SHISAL2A: variants seen among roughly 807,000 people sequenced by gnomAD.
SHISAL2A encodes protein shisa-like-2A.
A neutral mutation model predicts 11.5 loss-of-function variants in SHISAL2A; 18 were observed. That is an observed-to-expected ratio of 1.57 (90% CI 1.08 to 2.33). The LOEUF (loss-of-function observed/expected upper bound fraction) is 2.33, where lower values mean the gene tolerates loss of function less well. SHISAL2A is among the 30% of genes most tolerant of loss of function. The probability of loss-of-function intolerance (pLI) is 0.00; values close to 1 mark genes in which losing one functional copy is unlikely to be tolerated. For synonymous variants in SHISAL2A, 94 were observed against 99.6 expected, an observed-to-expected ratio of 0.94 and a Z score of 0.34; for missense variants, 261 against 250.9, an observed-to-expected ratio of 1.04 and a Z score of -0.27.
chr1:52,668,238 A>C (rs972646569), intron 5 of SHISAL2A, among the ~76,000 whole-genome samples: 45 of 152,182 alleles, frequency 3.0e-4, no homozygotes, highest in Admixed American at 9.2e-4. Context: ...GTCTGAAGGT[A>C]ATTAGACCTG....
intron 4 of SHISAL2A, among the ~76,000 whole-genome samples, chr1:52,663,748 C>G (rs562939315): frequency 7.9e-5 from 12 of 151,722 alleles, no homozygotes; most frequent in Non-Finnish European, 7.4e-5. Context: ...GCAACAAGAG[C>G]GAAACTGCGT....
At chr1:52,653,233 G>C (rs1691710763) in intron 2 of SHISAL2A, among the ~76,000 whole-genome samples, 1 of 133,670 alleles carries the variant, frequency 7.5e-6, no homozygotes, top group South Asian at 2.4e-4. Context: ...AGGATCGCTT[G>C]AGCCCAGGAG....
chr1:52,652,677 G>A (rs928771054), intron 2 of SHISAL2A, among the ~76,000 whole-genome samples: 1 of 151,920 alleles, frequency 6.6e-6, no homozygotes, highest in Admixed American at 6.6e-5. Context: ...AGAACAAAGT[G>A]TGTTTGGGCC....
At chr1:52,661,592 C>A (rs899426372), downstream of SHISAL2A, among the ~76,000 whole-genome samples, 1 of 152,164 alleles carries the variant, frequency 6.6e-6, no homozygotes, top group Admixed American at 6.5e-5. Context: ...TGGGAAGTCT[C>A]GTGTGTGGAA....
At chr1:52,635,002 C>A (rs56090513) in intron 1 of SHISAL2A, among the ~76,000 whole-genome samples, 25 of 152,272 alleles carry the variant, frequency 1.6e-4, no homozygotes, top group Middle Eastern at 3.4e-3. Context: ...TTTCAGATGG[C>A]CAGGTTATCA....
rs1691782322 is a variant in SHISAL2A at position 52,655,941 on chromosome 1, G to A, written c.323-849G>A. ...ATCTAAGGTGGTAGCCTTGAGGATGGAGAGAAATGGGTGGATACCACAGAT... is the reference window on the plus strand; with the variant it reads ...ATCTAAGGTGGTAGCCTTGAGGATGAAGAGAAATGGGTGGATACCACAGAT... On this transcript the variant is annotated intron_variant, in intron 2 of 2. Transcript: ENST00000517870. Among the ~76,000 whole-genome samples, 4 of 152,322 alleles carry A rather than the reference G, an allele frequency of 2.6e-5. No individual in the cohort carries two copies. The South Asian group carries it at 8.3e-4, about 32-fold the overall frequency.
At chr1:52,637,952 T>G (rs11585316) in intron 1 of SHISAL2A, among the ~76,000 whole-genome samples, 13,196 of 152,158 alleles carry the variant, frequency 0.087, 661 homozygotes, top group Non-Finnish European at 0.11. Flanking sequence ...CTGAAAGATA[T>G]AACTCATTCG....
intron 1 of SHISAL2A, among the ~76,000 whole-genome samples, chr1:52,642,051 C>T (rs968208136): frequency 6.6e-6 from 1 of 152,136 alleles, no homozygotes; most frequent in Non-Finnish European, 1.5e-5. Context: ...ATGCAGTGAG[C>T]CTAGATGGCA....
At chr1:52,639,043 C>T (rs2149874545) in intron 1 of SHISAL2A, among the ~76,000 whole-genome samples, 1 of 152,206 alleles carries the variant, frequency 6.6e-6, no homozygotes, top group South Asian at 2.1e-4. Context: ...TGTGGTGGCA[C>T]ATGCCTGTAG....
intron 1 of SHISAL2A, among the ~76,000 whole-genome samples, chr1:52,636,092 A>G (rs1187489495): frequency 6.6e-6 from 1 of 152,290 alleles, no homozygotes; most frequent in Non-Finnish European, 1.5e-5. Context: ...TTGTAAGTAC[A>G]GAGACAATGT....
intron 1 of SHISAL2A, among the ~76,000 whole-genome samples, chr1:52,641,806 G>A (rs1352245504): frequency 6.6e-6 from 1 of 151,898 alleles, no homozygotes; most frequent in Non-Finnish European, 1.5e-5. Context: ...AAGAGGCGGG[G>A]GTGAGTGGGA....
Position 52,633,404 on chromosome 1 carries a change from G to A in SHISAL2A, c.-90G>A. On this transcript the variant is annotated 5_prime_UTR_variant, in exon 1 of 3. Coordinates refer to ENST00000517870, the MANE Select transcript of SHISAL2A (RefSeq NM_001042693.3). The surrounding 1 kb of genome is among the most constrained non-coding windows in gnomAD (Gnocchi z 6.4). ...TTCGTCTCTGCCGTTCTCAGGCTCA[G>A]CTCCGTCTCGCTCGGTCCCTCGCTT... The A allele has an allele frequency of 6.8e-6, 8 of 1,183,372 alleles. No homozygotes were observed. Among genetic ancestry groups the A allele is most frequent in the Non-Finnish European group, 9.0e-6 (8 of 891,154 alleles). The allele number at this position is 1,183,372 out of a possible 1,614,324, so 73.3% of individuals were successfully genotyped here.
In SHISAL2A at chr1:52,656,654, A is replaced by G. The variant is rs1691795481; in HGVS notation, c.323-136A>G. 6.6e-6 allele frequency: 6 copies of G among 911,608 alleles called. No individual in the cohort carries two copies. In the South Asian group the frequency reaches 8.3e-5, roughly 13 times the overall value. The allele number at this position is 911,608 out of a possible 1,614,324, so 56.5% of individuals were successfully genotyped here. A position where few individuals can be genotyped will look rare whatever the true frequency, so the allele number is the denominator to read the frequency against. ...ATAATGTGGTGTATTGTTAATAAATACATGTTAAACAAATGATGCTTCTAA... is the reference window on the plus strand; with the variant it reads ...ATAATGTGGTGTATTGTTAATAAATGCATGTTAAACAAATGATGCTTCTAA... On this transcript the variant is annotated intron_variant, in intron 2 of 2. Transcript: ENST00000517870.
downstream of SHISAL2A, among the ~76,000 whole-genome samples, chr1:52,657,569 T>C (rs1691817726): frequency 6.6e-6 from 1 of 152,088 alleles, no homozygotes; most frequent in Non-Finnish European, 1.5e-5. Flanking sequence ...AGAGAATGAA[T>C]AGGGGCAGGG....
intron 2 of SHISAL2A, among the ~76,000 whole-genome samples, chr1:52,647,770 A>G (rs1453768669): frequency 6.6e-6 from 1 of 151,826 alleles, no homozygotes; most frequent in Non-Finnish European, 1.5e-5. Context: ...GCTTGAGGCC[A>G]GGAGGTGGAG....
At chr1:52,657,593 G>A (rs1462120700), downstream of SHISAL2A, among the ~76,000 whole-genome samples, 2 of 152,174 alleles carry the variant, frequency 1.3e-5, no homozygotes, top group African/African-American at 4.8e-5. Context: ...GGCAGTTCAC[G>A]CCTGTAGTCC....
chr1:52,646,091 CT>C (rs1691494521), intron 2 of SHISAL2A, among the ~76,000 whole-genome samples: 1 of 152,274 alleles, frequency 6.6e-6, no homozygotes, highest in South Asian at 2.1e-4. Flanking sequence ...ATTTGTTCCC[CT>C]AGGACAATTG....
At chr1:52,650,579 A>G (rs77941304) in intron 2 of SHISAL2A, among the ~76,000 whole-genome samples, 6,372 of 150,120 alleles carry the variant, frequency 0.042, 207 homozygotes, top group East Asian at 0.17. Flanking sequence ...TTTCATTATT[A>G]TTAGGCGCTT....
rs759758225 is a variant in SHISAL2A, at chr1:52,642,853, C to T, written c.183-10C>T. On this transcript the variant is annotated splice_polypyrimidine_tract_variant and intron_variant, in intron 1 of 2. Coordinates refer to ENST00000517870, the MANE Select transcript of SHISAL2A (RefSeq NM_001042693.3). ...TGACTCTCAGCTCCCATGTGGTCTT[C>T]TCTTCCCAGCATTGGCGCTCTCATA... The T allele has an allele frequency of 1.9e-6, 3 of 1,612,706 alleles. No individual in the cohort carries two copies. The highest frequency in any genetic ancestry group is 2.5e-6 in the Non-Finnish European group (3 of 1,179,880).
Sources: gnomAD v4.1 joint callset for allele counts (sites outside exome capture counted in the v4.1 genomes callset) on GRCh38, gnomAD v4.1.1 for gene constraint, Gnocchi (gnomAD v3.1) non-coding constraint, MANE v1.5 for transcripts, NCBI Gene and HGNC (gene_info 2026-07-23, HGNC 2026-07-21) for gene names.